Variants in SELENOI observed in about 807,000 individuals in gnomAD.
The protein encoded by SELENOI is ethanolaminephosphotransferase 1.
Under a neutral mutation model 50.7 loss-of-function variants are expected in SELENOI, and 24 were observed. That is an observed-to-expected ratio of 0.47 (90% CI 0.34 to 0.67). The LOEUF (loss-of-function observed/expected upper bound fraction) is 0.67. SELENOI is among the 30% of genes least tolerant of loss of function. The pLI is 0.01. For synonymous variants in SELENOI, 155 were observed against 170.2 expected (o/e 0.91, Z 0.70); for missense variants, 352 against 461.4 (o/e 0.76, Z 2.17).
chr2:26,367,431 A>G (rs960326798), intron 4 of SELENOI, among the ~76,000 whole-genome samples: 1 of 152,232 alleles, frequency 6.6e-6, no homozygotes, highest in Admixed American at 6.5e-5. Flanking sequence ...AAGAGTTGGT[A>G]AACTACTACT....
chr2:26,350,437 C>T (rs1314648676), intron 1 of SELENOI, among the ~76,000 whole-genome samples: 1 of 151,984 alleles, frequency 6.6e-6, no homozygotes, highest in Non-Finnish European at 1.5e-5. Context: ...TAGCTTACTG[C>T]AGCCTTGAAT....
chr2:26,370,273 C>G (rs530826560), intron 4 of SELENOI, among the ~76,000 whole-genome samples: 1 of 151,722 alleles, frequency 6.6e-6, no homozygotes, highest in East Asian at 1.9e-4. Flanking sequence ...TACACAGACA[C>G]GGCAACCATC....
At chr2:26,371,416 GAT>G (rs1677442713) in intron 4 of SELENOI, among the ~76,000 whole-genome samples, 1 of 151,952 alleles carries the variant, frequency 6.6e-6, no homozygotes, top group Non-Finnish European at 1.5e-5. Flanking sequence ...TCCTAGATGT[GAT>G]GGCGGCCGGG....
At chr2:26,354,657 C>A (rs1358857429) in intron 1 of SELENOI, among the ~76,000 whole-genome samples, 1 of 151,940 alleles carries the variant, frequency 6.6e-6, no homozygotes, top group Non-Finnish European at 1.5e-5. Context: ...TTCCAAAGTG[C>A]TGGGATTACA....
Position 26,391,551 on chromosome 2 carries a change from A to T in SELENOI, c.*2448A>T, listed in dbSNP as rs1677969446. The T allele has an allele frequency of 6.6e-6, 1 of 152,218 alleles. No individual in the cohort carries two copies. Among genetic ancestry groups the T allele is most frequent in the Non-Finnish European group, 1.5e-5 (1 of 68,048 alleles). 9.4% of individuals were successfully genotyped at this position (152,218 alleles called of 1,614,324 possible). ...ATGCCCCAGCCTTTCTCCCCAGCAT[A>T]CAGTGAGCTGCCTTTTGGGGAGCAA... On this transcript the variant is annotated 3_prime_UTR_variant, in exon 10 of 10. Transcript: ENST00000260585.
intron 1 of SELENOI, among the ~76,000 whole-genome samples, chr2:26,358,280 G>C (rs916935545): frequency 6.6e-6 from 1 of 152,150 alleles, no homozygotes; most frequent in African/African-American, 2.4e-5. Flanking sequence ...GTGCACATCT[G>C]TGAGGCTGAG....
chr2:26,387,536 C>CA (rs79942498), intron 9 of SELENOI, among the ~76,000 whole-genome samples: 13,878 of 146,666 alleles, frequency 0.095, 1,580 homozygotes, highest in East Asian at 0.57. Flanking sequence ...ACAAAAAATA[C>CA]AAAAAAAAAA....
Position 26,386,453 on chromosome 2 carries a change from G to A in SELENOI, c.1012G>A (p.Val338Ile). The change falls in exon 9 of 10, where the codon GTA becomes ATA. Residue 338 changes from valine (V) to isoleucine (I), a missense_variant. Physicochemically the swap from Val to Ile is conservative, Grantham distance 29. Transcript: ENST00000260585. ...FLVVLVVNLGVASYVESILLY... is the reference protein window; with the variant it reads ...FLVVLVVNLGIASYVESILLY... Reference sequence around the variant, plus strand: ...GGTTGTCTTAGTGGTAAACCTAGGAGTAGCCTCTTACGTTGAGAGCATTCT... The same window carrying A: ...GGTTGTCTTAGTGGTAAACCTAGGAATAGCCTCTTACGTTGAGAGCATTCT... 1.2e-6 allele frequency: 2 copies of A among 1,613,850 alleles called. No homozygotes were observed. The highest frequency in any genetic ancestry group is 1.3e-5 in the African/African-American group (1 of 75,000).
chr2:26,373,330 T>C, intron 4 of SELENOI, 37 bp from the exon 5 acceptor site: 2 of 1,581,608 alleles, frequency 1.3e-6, no homozygotes, highest in Non-Finnish European at 1.7e-6. Flanking sequence ...TCCTGGTGCA[T>C]ACGTTGAACT....
In SELENOI at chr2:26,388,940, C is replaced by CTG. The variant is rs1677904452; in HGVS notation, c.1096-60_1096-59dup. The CTG allele has an allele frequency of 1.1e-5, 14 of 1,259,562 alleles. 1 individual carries two copies. The South Asian group carries it at 1.7e-4, about 15-fold the overall frequency. The allele number at this position is 1,259,562 out of a possible 1,614,324, so 78.0% of individuals were successfully genotyped here. ...AATTGTTATCTCTAGGGGGTAAATT[C>CTG]TGTGTGCTTTTAAAAAACAATAAGG... On this transcript the variant is annotated intron_variant, in intron 9 of 9. Coordinates refer to ENST00000260585, the MANE Select transcript of SELENOI (RefSeq NM_033505.4).
chr2:26,375,557 T>G (rs1677549633), intron 6 of SELENOI, among the ~76,000 whole-genome samples: 1 of 152,230 alleles, frequency 6.6e-6, no homozygotes, highest in Non-Finnish European at 1.5e-5. Flanking sequence ...AAAATTAAGC[T>G]TCTATTCCTC....
chr2:26,379,691 G>T (rs1169000463), intron 6 of SELENOI, among the ~76,000 whole-genome samples: 1 of 152,036 alleles, frequency 6.6e-6, no homozygotes, highest in Admixed American at 6.5e-5. Flanking sequence ...GATTAACATG[G>T]CTTAGGAATT....
intron 5 of SELENOI, 151 bp from the exon 6 acceptor site, chr2:26,374,889 G>T: frequency 1.8e-6 from 1 of 551,230 alleles, no homozygotes; most frequent in Non-Finnish European, 3.3e-6. Context: ...TATTTTTAAA[G>T]GTAAGAAGAC....
At chr2:26,378,406 T>C (rs1159335116) in intron 6 of SELENOI, among the ~76,000 whole-genome samples, 1 of 152,242 alleles carries the variant, frequency 6.6e-6, no homozygotes, top group Non-Finnish European at 1.5e-5. Flanking sequence ...CACTATGTTC[T>C]GTGGGGTCTC....
In SELENOI at chr2:26,364,989, A is replaced by C. The variant is rs773712822; in HGVS notation, c.235+49A>C. Reference sequence around the variant, plus strand: ...AATTTAACTGAGTAGAAAAAAATGAAATGTGGATGCTTATTTTCTGGTTTT... The same window carrying C: ...AATTTAACTGAGTAGAAAAAAATGACATGTGGATGCTTATTTTCTGGTTTT... On this transcript the variant is annotated intron_variant, in intron 3 of 9. Transcript: ENST00000260585. 1.3e-5 allele frequency: 17 copies of C among 1,304,278 alleles called. No individual in the cohort carries two copies. The South Asian group carries it at 2.3e-4, about 18-fold the overall frequency. The allele number at this position is 1,304,278 out of a possible 1,614,324, so 80.8% of individuals were successfully genotyped here. A position where few individuals can be genotyped will look rare whatever the true frequency, so the allele number is the denominator to read the frequency against.
At chr2:26,386,255 C>A in intron 8 of SELENOI, 99 bp from the exon 9 acceptor site, 1 of 1,197,852 alleles carries the variant, frequency 8.3e-7, no homozygotes, top group Non-Finnish European at 1.2e-6. Context: ...GGTTCAGGTA[C>A]TTGAATGCTT....
intron 1 of SELENOI, among the ~76,000 whole-genome samples, chr2:26,350,026 T>C (rs1223924661): frequency 6.6e-6 from 1 of 151,540 alleles, no homozygotes; most frequent in Non-Finnish European, 1.5e-5. Flanking sequence ...GGAGGATCAG[T>C]TGAGTCTGGA....
chr2:26,364,608 A>G (rs1677248494), intron 2 of SELENOI, among the ~76,000 whole-genome samples: 1 of 152,208 alleles, frequency 6.6e-6, no homozygotes, highest in Non-Finnish European at 1.5e-5. Flanking sequence ...AATAGACTTA[A>G]TGTTATGATT....
chr2:26,365,026 C>A, intron 3 of SELENOI, 86 bp downstream of exon 3: 1 of 994,280 alleles, frequency 1.0e-6, no homozygotes, highest in Non-Finnish European at 1.4e-6. Flanking sequence ...TTAAAATGTT[C>A]ATATTTCTAA....
Sources: allele counts gnomAD v4.1 joint callset (sites outside exome capture counted in the v4.1 genomes callset), GRCh38; gene constraint gnomAD v4.1.1; transcripts MANE v1.5; gene names NCBI Gene and HGNC (gene_info 2026-07-23, HGNC 2026-07-21).